The following TAOK1 variants were observed in gnomAD, a reference collection of about 807,000 sequenced individuals.
TAOK1 encodes TAO kinase 1, also known as serine/threonine-protein kinase TAO1.
A neutral mutation model predicts 138.3 loss-of-function variants in TAOK1; 21 were observed. That is an observed-to-expected ratio of 0.15 (90% CI 0.11 to 0.22). The LOEUF (loss-of-function observed/expected upper bound fraction) is 0.22. Among genes scored for constraint, TAOK1 ranks in the 10% least tolerant of loss-of-function variants. TAOK1 has a pLI of 1.00. For synonymous variants in TAOK1, 361 were observed against 398.4 expected (o/e 0.91, Z 1.12); for missense variants, 651 against 1,227.7 (o/e 0.53, Z 7.02).
chr17:29,518,829 C>T (rs931604646), intron 16 of TAOK1, among the ~76,000 whole-genome samples: 6 of 151,930 alleles, frequency 3.9e-5, no homozygotes, highest in African/African-American at 1.2e-4. Flanking sequence ...AGTACAGTGG[C>T]AATCTCGGCT....
chr17:29,507,145 A>G (rs2031642960), intron 13 of TAOK1, among the ~76,000 whole-genome samples: 1 of 152,206 alleles, frequency 6.6e-6, no homozygotes, highest in South Asian at 2.1e-4. Flanking sequence ...AACATGCTTT[A>G]TAACTAGATA....
At chr17:29,512,335 C>T (rs1477590081) in intron 15 of TAOK1, 7 of 151,850 alleles carry the variant, frequency 4.6e-5, no homozygotes, top group African/African-American at 1.5e-4. Context: ...GCTGGGATTA[C>T]AAGAGTTAGC....
At chr17:29,480,553 T>C in intron 7 of TAOK1, 72 bp downstream of exon 7, 3 of 1,326,602 alleles carry the variant, frequency 2.3e-6, no homozygotes, top group South Asian at 2.6e-5. Context: ...ACAAATGAAG[T>C]GTAAGGTAAA....
chr17:29,476,932 G>A (rs954883833), intron 4 of TAOK1, among the ~76,000 whole-genome samples: 4 of 151,802 alleles, frequency 2.6e-5, no homozygotes, highest in Admixed American at 6.6e-5. Context: ...TGCAAGCTCC[G>A]CCTCCCAGGT....
chr17:29,509,634 C>G (rs1013202681), intron 14 of TAOK1, among the ~76,000 whole-genome samples: 1 of 152,038 alleles, frequency 6.6e-6, no homozygotes, highest in East Asian at 1.9e-4. Flanking sequence ...TGGCTCACAC[C>G]TGTAATCCCA....
At chr17:29,494,272 G>A (rs1347519033) in intron 10 of TAOK1, among the ~76,000 whole-genome samples, 1 of 151,916 alleles carries the variant, frequency 6.6e-6, no homozygotes, top group Non-Finnish European at 1.5e-5. Flanking sequence ...GCGCAGTGGT[G>A]TAATTCCAAT....
chr17:29,526,822 A>T (rs1338925579), intron 17 of TAOK1, among the ~76,000 whole-genome samples: 7 of 143,836 alleles, frequency 4.9e-5, no homozygotes, highest in African/African-American at 1.5e-4. Flanking sequence ...CATCTCTTAA[A>T]AAAAAAAAAA....
intron 6 of TAOK1, among the ~76,000 whole-genome samples, chr17:29,478,856 C>T (rs2030999028): frequency 6.6e-6 from 1 of 152,146 alleles, no homozygotes. Flanking sequence ...CGAGGTGGCT[C>T]ACACCTGTAA....
intron 10 of TAOK1, among the ~76,000 whole-genome samples, chr17:29,492,757 A>G (rs950985624): frequency 6.6e-6 from 1 of 152,126 alleles, no homozygotes; most frequent in Admixed American, 6.5e-5. Context: ...GCACCATTGC[A>G]CTCCAGCCTG....
At chr17:29,459,670 C>T (rs1199046924) in intron 2 of TAOK1, among the ~76,000 whole-genome samples, 2 of 152,142 alleles carry the variant, frequency 1.3e-5, no homozygotes, top group Non-Finnish European at 2.9e-5. Flanking sequence ...TACATTGTTT[C>T]CAGCTCTTGG....
chr17:29,490,663 G>A (rs969148638), intron 9 of TAOK1, among the ~76,000 whole-genome samples: 1 of 152,172 alleles, frequency 6.6e-6, no homozygotes, highest in Non-Finnish European at 1.5e-5. Flanking sequence ...TTGACACTGA[G>A]TTTAGTGTTA....
At chr17:29,481,230 C>G (rs1051978969) in intron 7 of TAOK1, among the ~76,000 whole-genome samples, 1 of 149,826 alleles carries the variant, frequency 6.7e-6, no homozygotes, top group Non-Finnish European at 1.5e-5. Flanking sequence ...GTCTTGCTCT[C>G]TCGCCCAGGT....
At chr17:29,533,513 G>A (rs1262581643) in intron 18 of TAOK1, among the ~76,000 whole-genome samples, 2 of 151,750 alleles carry the variant, frequency 1.3e-5, no homozygotes, top group South Asian at 4.2e-4. Flanking sequence ...AGGTTGTAGC[G>A]AGCCGAGATC....
chr17:29,529,694 C>T (rs577560563), intron 17 of TAOK1, among the ~76,000 whole-genome samples: 4 of 152,104 alleles, frequency 2.6e-5, no homozygotes, highest in South Asian at 4.1e-4. Context: ...GGTGAAACCC[C>T]GTCTCTACTA....
chr17:29,515,621 G>T (rs2031800115), intron 15 of TAOK1, among the ~76,000 whole-genome samples: 1 of 152,078 alleles, frequency 6.6e-6, no homozygotes, highest in Non-Finnish European at 1.5e-5. Context: ...GGATCACAGG[G>T]TCAGGAGATC....
intron 1 of TAOK1, among the ~76,000 whole-genome samples, chr17:29,414,613 G>T: frequency 6.6e-6 from 1 of 151,632 alleles, no homozygotes; most frequent in Non-Finnish European, 1.5e-5. Context: ...CTGGAGTGTG[G>T]TGGCACAATC....
chr17:29,455,512 A>G (rs573311188), intron 2 of TAOK1, among the ~76,000 whole-genome samples: 16 of 150,544 alleles, frequency 1.1e-4, no homozygotes, highest in Non-Finnish European at 1.8e-4. Flanking sequence ...ACAGTGTTGA[A>G]CAGCCGTGGT....
At chr17:29,499,862 A>T (rs1324975010) in intron 12 of TAOK1, among the ~76,000 whole-genome samples, 1 of 152,174 alleles carries the variant, frequency 6.6e-6, no homozygotes, top group Admixed American at 6.5e-5. Context: ...CACCCAGTGT[A>T]TATCTTAAAA....
Position 29,407,217 on chromosome 17 carries a change from C to G in TAOK1, c.-95+16193C>G, listed in dbSNP as rs145485634. ...GTGTAGGCTGGTCTTGAACTCCTGG[C>G]CTTAAGCCACTCTCCTGCTTTGGCC... On this transcript the variant is annotated intron_variant, in intron 1 of 19. Coordinates refer to ENST00000261716, the MANE Select transcript of TAOK1 (RefSeq NM_020791.4). Among the ~76,000 whole-genome samples, 212 of 151,968 alleles carry G rather than the reference C, an allele frequency of 1.4e-3. 1 individual carries two copies. The highest frequency in any genetic ancestry group is 5.0e-3 in the African/African-American group (207 of 41,454).
Sources: gnomAD v4.1 joint callset for allele counts (sites outside exome capture counted in the v4.1 genomes callset) on GRCh38, gnomAD v4.1.1 for gene constraint, MANE v1.5 for transcripts, NCBI Gene and HGNC (gene_info 2026-07-23, HGNC 2026-07-21) for gene names.